Variants in SLC12A7 observed in about 807,000 individuals in gnomAD.
The protein encoded by SLC12A7 is solute carrier family 12 member 7.
SLC12A7 carries 100 observed loss-of-function variants against 120.6 expected under a neutral mutation model. That is an observed-to-expected ratio of 0.83 (90% confidence interval 0.71 to 0.98). The LOEUF is 0.98. Among genes scored for constraint, SLC12A7 ranks in the 50% least tolerant of loss-of-function variants. The probability of loss-of-function intolerance (pLI) is 0.00; values close to 1 mark genes in which losing one functional copy is unlikely to be tolerated. For missense variants in SLC12A7, 1,373 were observed against 1,548.1 expected, an observed-to-expected ratio of 0.89 and a Z score of 1.90; for synonymous variants, 760 against 678.0, an observed-to-expected ratio of 1.12 and a Z score of -1.88.
intron 20 of SLC12A7, among the ~76,000 whole-genome samples, chr5:1,062,469 C>T (rs1736395289): frequency 6.6e-6 from 1 of 152,222 alleles, no homozygotes; most frequent in Non-Finnish European, 1.5e-5. Context: ...GAAAACCATC[C>T]AGCGTCACGC....
chr5:1,088,095 C>T (rs933504206), intron 5 of SLC12A7, among the ~76,000 whole-genome samples: 2 of 152,188 alleles, frequency 1.3e-5, no homozygotes, highest in Non-Finnish European at 2.9e-5. Context: ...GAGACGGTCA[C>T]CACGCAGCAA....
intron 18 of SLC12A7, 56 bp downstream of exon 18, chr5:1,065,225 CTG>C: frequency 7.8e-7 from 1 of 1,278,094 alleles, no homozygotes; most frequent in Non-Finnish European, 1.1e-6. Flanking sequence ...CGAGGGGACA[CTG>C]AGAGGACACA....
intron 1 of SLC12A7, among the ~76,000 whole-genome samples, chr5:1,107,527 C>T (rs1277389223): frequency 6.6e-6 from 1 of 152,210 alleles, no homozygotes; most frequent in African/African-American, 2.4e-5. Flanking sequence ...TGCTTGACTC[C>T]AGCCACCACC....
intron 17 of SLC12A7, among the ~76,000 whole-genome samples, chr5:1,069,417 G>A (rs141313944): frequency 0.01 from 1,536 of 152,342 alleles, 14 homozygotes; most frequent in Admixed American, 0.029. Flanking sequence ...GGTGGGGGGC[G>A]GCTGCAGATG....
rs1242187139 is a variant in SLC12A7, at chr5:1,050,854, G to A, written c.*1506C>T. 1 of 398,532 alleles carries A rather than the reference G, an allele frequency of 2.5e-6. No homozygotes were observed. Among genetic ancestry groups the A allele is most frequent in the Non-Finnish European group, 4.4e-6 (1 of 226,076 alleles). 24.7% of individuals were successfully genotyped at this position (398,532 alleles called of 1,614,324 possible). On this transcript the variant is annotated 3_prime_UTR_variant, in exon 24 of 24. Coordinates refer to ENST00000264930, the MANE Select transcript of SLC12A7 (RefSeq NM_006598.3). The stretch of plus-strand genomic sequence containing the variant: ...TCACTCTACAGCAATGCCAGCCCTA[G>A]TCTGGCTCCTCAGAAACATCTGGGG...
chr5:1,080,772 G>A (rs1377111671), intron 9 of SLC12A7, among the ~76,000 whole-genome samples: 5 of 152,232 alleles, frequency 3.3e-5, no homozygotes, highest in African/African-American at 9.6e-5. Flanking sequence ...GAGGTCCCCG[G>A]CCTCTGAGCT....
Position 1,066,056 on chromosome 5 carries a change from C to T in SLC12A7, c.2242-578G>A, listed in dbSNP as rs544863878. On this transcript the variant is annotated intron_variant, in intron 17 of 23. Coordinates refer to ENST00000264930, the MANE Select transcript of SLC12A7 (RefSeq NM_006598.3). Reference sequence around the variant, plus strand: ...ACGGCTTGACTCCATGGGGTTTGCACGTGCGTGGCCGAGGACCTGCCACGC... The same window carrying T: ...ACGGCTTGACTCCATGGGGTTTGCATGTGCGTGGCCGAGGACCTGCCACGC... Among the ~76,000 whole-genome samples, 9 of 152,226 alleles carry T rather than the reference C, an allele frequency of 5.9e-5. No individual in the cohort carries two copies. The East Asian group carries it at 9.7e-4, about 16-fold the overall frequency.
intron 1 of SLC12A7, among the ~76,000 whole-genome samples, chr5:1,096,862 G>C (rs1488000823): frequency 1.0e-4 from 9 of 88,566 alleles, no homozygotes; most frequent in Non-Finnish European, 1.6e-4. Flanking sequence ...GGGAGGGAGG[G>C]ATGAAGGGAG....
chr5:1,065,566 C>T (rs1263777825), intron 17 of SLC12A7, 88 bp from the exon 18 acceptor site: 1 of 1,165,524 alleles, frequency 8.6e-7, no homozygotes, highest in Non-Finnish European at 1.2e-6. Flanking sequence ...GGCACCCGCA[C>T]CACCTCCCCT....
At chr5:1,080,496 T>C (rs1351541499) in intron 9 of SLC12A7, among the ~76,000 whole-genome samples, 1 of 152,274 alleles carries the variant, frequency 6.6e-6, no homozygotes, top group East Asian at 1.9e-4. Flanking sequence ...CAGCTGACCC[T>C]GGGCTCCAGG....
rs1439021188 is a variant in SLC12A7 at position 1,052,361 on chromosome 5, T to C, written c.3251A>G (p.Ter1084=). The change falls in exon 24 of 24, where the codon TAA becomes TGA. Residue 1084 remains the stop codon, a stop_retained_variant. Transcript: ENST00000264930. ...AGAGTGCCGTGATGCTGTTGGGCAT[T>C]AGGAGTAGATGGTGATCACCTCCCG... is the stretch of plus-strand genomic sequence containing the variant. The part of the protein sequence containing the change: ...GGREVITIYS[*] The C allele has an allele frequency of 6.2e-7, 1 of 1,611,874 alleles. No homozygotes were observed. The highest frequency in any genetic ancestry group is 1.7e-5 in the Admixed American group (1 of 60,004).
chr5:1,083,714 C>A, intron 8 of SLC12A7, 31 bp downstream of exon 8: 1 of 1,607,052 alleles, frequency 6.2e-7, no homozygotes, highest in South Asian at 1.1e-5. Flanking sequence ...CCGCCACCCC[C>A]CAGCTCCAGC....
At chr5:1,116,062 C>T (rs963892895), upstream of SLC12A7, among the ~76,000 whole-genome samples, 11 of 152,066 alleles carry the variant, frequency 7.2e-5, no homozygotes, top group Admixed American at 2.0e-4. Context: ...CCACCAGGGC[C>T]GAGAATTCTG....
At chr5:1,079,021 C>A (rs767615838) in intron 10 of SLC12A7, among the ~76,000 whole-genome samples, 1 of 152,152 alleles carries the variant, frequency 6.6e-6, no homozygotes, top group Non-Finnish European at 1.5e-5. Flanking sequence ...GGTGCTTGAC[C>A]GCCAGGGATT....
chr5:1,155,109 C>T, the SLC12A7 span, among the ~76,000 whole-genome samples: 2 of 151,374 alleles, frequency 1.3e-5, no homozygotes, highest in Non-Finnish European at 1.5e-5. Flanking sequence ...CCAGGCCCCT[C>T]GCCCACCTCA....
intron 9 of SLC12A7, among the ~76,000 whole-genome samples, chr5:1,079,837 G>A (rs892090313): frequency 6.6e-6 from 1 of 152,082 alleles, no homozygotes; most frequent in African/African-American, 2.4e-5. Context: ...CTGAGCAATG[G>A]CTCACAGGCC....
chr5:1,086,355 G>A (rs183153822), intron 6 of SLC12A7, among the ~76,000 whole-genome samples: 21 of 152,248 alleles, frequency 1.4e-4, no homozygotes, highest in Non-Finnish European at 2.2e-4. Context: ...AGCACCCGTC[G>A]GCCAGAGAAG....
intron 20 of SLC12A7, among the ~76,000 whole-genome samples, chr5:1,063,207 G>A (rs1374821337): frequency 1.3e-5 from 2 of 152,208 alleles, no homozygotes; most frequent in African/African-American, 2.4e-5. Flanking sequence ...ATAGCTGACC[G>A]AGGGCCTGTC....
At chr5:1,130,339 G>A in the SLC12A7 span, among the ~76,000 whole-genome samples, 4 of 152,166 alleles carry the variant, frequency 2.6e-5, no homozygotes, top group Non-Finnish European at 4.4e-5. Flanking sequence ...AACACCCAGC[G>A]AGGACAGGAG....
Sources: allele counts gnomAD v4.1 joint callset (sites outside exome capture counted in the v4.1 genomes callset), GRCh38; gene constraint gnomAD v4.1.1; transcripts MANE v1.5; gene names NCBI Gene and HGNC (gene_info 2026-07-23, HGNC 2026-07-21).